MOXD1: variants seen among roughly 807,000 people sequenced by gnomAD.
MOXD1 encodes the protein monooxygenase DBH like 1.
Under a neutral mutation model 66.6 loss-of-function variants are expected in MOXD1, and 62 were observed. The ratio of observed to expected loss-of-function variants is 0.93; its 90% CI spans 0.76 to 1.15. MOXD1 has a LOEUF of 1.15. MOXD1 is among the 50% of genes most tolerant of loss of function. The pLI, the probability that MOXD1 is intolerant of heterozygous loss-of-function variation, is 0.00. For missense variants in MOXD1, 847 were observed against 754.6 expected (o/e 1.12, Z -1.44); for synonymous variants, 303 against 281.9 (o/e 1.07, Z -0.75).
intron 1 of MOXD1, among the ~76,000 whole-genome samples, chr6:132,380,504 A>G (rs1026758459): frequency 6.6e-6 from 1 of 152,182 alleles, no homozygotes; most frequent in African/African-American, 2.4e-5. Flanking sequence ...GCTAAGGCTC[A>G]TGATTCTATT....
intron 1 of MOXD1, chr6:132,375,042 T>G (rs1776350308): frequency 3.7e-6 from 2 of 546,894 alleles, no homozygotes; most frequent in Non-Finnish European, 6.4e-6. Flanking sequence ...TTGATACCAT[T>G]GTGTGCCTTT....
intron 1 of MOXD1, among the ~76,000 whole-genome samples, chr6:132,384,723 A>G (rs1473566218): frequency 1.3e-5 from 2 of 152,194 alleles, no homozygotes; most frequent in Non-Finnish European, 2.9e-5. Context: ...AGGTTGGGTT[A>G]TCCAGTGGGA....
chr6:132,391,315 C>T (rs1776755896), intron 1 of MOXD1: 1 of 152,114 alleles, frequency 6.6e-6, no homozygotes, highest in South Asian at 2.1e-4. Context: ...TAAATCTGAT[C>T]TATACATTAT....
At chr6:132,328,652 C>A in intron 4 of MOXD1, 58 bp from the exon 5 acceptor site, 1 of 1,485,668 alleles carries the variant, frequency 6.7e-7, no homozygotes, top group South Asian at 1.2e-5. Context: ...TACAACATCC[C>A]ACAACAAACG....
chr6:132,399,402 T>C (rs1385407786), intron 1 of MOXD1, among the ~76,000 whole-genome samples: 1 of 152,246 alleles, frequency 6.6e-6, no homozygotes, highest in African/African-American at 2.4e-5. Context: ...CTCATAGTGA[T>C]GTGTATTCAC....
chr6:132,351,219 A>G (rs1051875945), intron 4 of MOXD1, among the ~76,000 whole-genome samples: 1 of 152,096 alleles, frequency 6.6e-6, no homozygotes, highest in Non-Finnish European at 1.5e-5. Context: ...GTCTTGTTCC[A>G]GTTCTCAGAG....
chr6:132,398,635 C>T (rs1333007781), intron 1 of MOXD1, among the ~76,000 whole-genome samples: 1 of 152,060 alleles, frequency 6.6e-6, no homozygotes, highest in East Asian at 1.9e-4. Flanking sequence ...ATCAAATATG[C>T]TACATTTAAG....
intron 4 of MOXD1, among the ~76,000 whole-genome samples, chr6:132,353,056 AG>A (rs1775835040): frequency 6.6e-6 from 1 of 152,164 alleles, no homozygotes; most frequent in South Asian, 2.1e-4. Context: ...AGTCTCCTGA[AG>A]GCAGCAGATA....
intron 4 of MOXD1, among the ~76,000 whole-genome samples, chr6:132,343,059 A>G (rs1193462626): frequency 6.6e-6 from 1 of 152,208 alleles, no homozygotes; most frequent in Non-Finnish European, 1.5e-5. Context: ...ACTTTATTTT[A>G]TGTGACCCAT....
At chr6:132,304,414 C>A (rs894089929) in intron 10 of MOXD1, among the ~76,000 whole-genome samples, 1 of 152,138 alleles carries the variant, frequency 6.6e-6, no homozygotes, top group South Asian at 2.1e-4. Flanking sequence ...AACTAAGAGA[C>A]TCCCCTGGAA....
At chr6:132,339,650 A>G (rs560094623) in intron 4 of MOXD1, among the ~76,000 whole-genome samples, 74 of 152,350 alleles carry the variant, frequency 4.9e-4, no homozygotes, top group African/African-American at 1.7e-3. Flanking sequence ...CCACTTATGT[A>G]ATCCCATCCT....
At chr6:132,306,755 C>G (rs1774701590) in intron 10 of MOXD1, among the ~76,000 whole-genome samples, 1 of 152,146 alleles carries the variant, frequency 6.6e-6, no homozygotes. Flanking sequence ...TCATATCCAG[C>G]AAAACTAAGC....
rs543295983 is a variant in MOXD1, at chr6:132,305,024, C to T, written c.1509-7069G>A. On this transcript the variant is annotated intron_variant, in intron 10 of 11. Transcript: ENST00000367963. ...AACTCCCGAGGGCAGGGTCGATCAG[C>T]ACCGCAGCTGCCTACTGTCTAAGCT... 1.7e-3 allele frequency among the ~76,000 whole-genome samples: 253 copies of T among 152,302 alleles called. 2 individuals are homozygous for T. The highest frequency in any genetic ancestry group is 4.5e-3 in the African/African-American group (188 of 41,584).
chr6:132,342,548 A>G (rs1415833049), intron 4 of MOXD1, among the ~76,000 whole-genome samples: 1 of 152,150 alleles, frequency 6.6e-6, no homozygotes, highest in Non-Finnish European at 1.5e-5. Context: ...TTATTTGTGT[A>G]TGAGTGTCTG....
chr6:132,392,274 TCA>T, intron 1 of MOXD1: 1 of 1,603,100 alleles, frequency 6.2e-7, no homozygotes, highest in Non-Finnish European at 8.5e-7. Flanking sequence ...ATCACAGGCC[TCA>T]GTTTTTGAGA....
At chr6:132,338,106 G>T (rs1432996999) in intron 4 of MOXD1, among the ~76,000 whole-genome samples, 1 of 152,034 alleles carries the variant, frequency 6.6e-6, no homozygotes, top group Non-Finnish European at 1.5e-5. Context: ...ATGTGTTTAG[G>T]TAAAAGAATT....
At chr6:132,386,032 G>C (rs868851736) in intron 1 of MOXD1, among the ~76,000 whole-genome samples, 1 of 149,282 alleles carries the variant, frequency 6.7e-6, no homozygotes, top group African/African-American at 2.5e-5. Context: ...GAACCCAGGA[G>C]GCGTAGCTTG....
intron 4 of MOXD1, among the ~76,000 whole-genome samples, chr6:132,332,676 G>A (rs1371780052): frequency 6.6e-6 from 1 of 152,142 alleles, no homozygotes; most frequent in Non-Finnish European, 1.5e-5. Flanking sequence ...GCACAGGATA[G>A]GATTTCCCAC....
At chr6:132,297,636 C>A in intron 11 of MOXD1, 151 bp downstream of exon 11, 6 of 956,770 alleles carry the variant, frequency 6.3e-6, no homozygotes. Context: ...AGTTTTCAGT[C>A]AATCCAAGTA....
Sources: allele counts gnomAD v4.1 joint callset (sites outside exome capture counted in the v4.1 genomes callset), GRCh38; gene constraint gnomAD v4.1.1; transcripts MANE v1.5; gene names NCBI Gene and HGNC (gene_info 2026-07-23, HGNC 2026-07-21).